The following IGFBP7 variants were observed in gnomAD, a reference collection of about 807,000 sequenced individuals.
IGFBP7 encodes the protein insulin-like growth factor-binding protein 7.
A neutral mutation model predicts 29.4 loss-of-function variants in IGFBP7; 31 were observed. That is an observed-to-expected ratio of 1.05 (90% confidence interval 0.79 to 1.42). The LOEUF is 1.42. IGFBP7 is among the 40% of genes most tolerant of loss of function. The pLI is 0.00. For missense variants in IGFBP7, 393 were observed against 395.5 expected, an observed-to-expected ratio of 0.99 and a Z score of 0.05; for synonymous variants, 172 against 174.9, an observed-to-expected ratio of 0.98 and a Z score of 0.13.
chr4:57,076,305 T>C (rs558202289), intron 1 of IGFBP7, among the ~76,000 whole-genome samples: 2 of 152,290 alleles, frequency 1.3e-5, no homozygotes, highest in African/African-American at 4.8e-5. Context: ...ATTCAGACCA[T>C]AGCTGATCTC....
rs1156386058 is a variant in IGFBP7, at chr4:57,030,979, G to A, written c.*338C>T. The A allele has an allele frequency of 1.3e-6, 2 of 1,577,126 alleles. No individual in the cohort carries two copies. Among genetic ancestry groups the A allele is most frequent in the Non-Finnish European group, 1.7e-6 (2 of 1,146,348 alleles). On this transcript the variant is annotated 3_prime_UTR_variant, in exon 5 of 5. Coordinates refer to ENST00000295666, the MANE Select transcript of IGFBP7 (RefSeq NM_001553.3). ...CTATGAGTATTGCACCGCGAATGAT[G>A]AGTGTTTAGCTATTTTACAGGAGTC...
At chr4:57,072,657 C>G (rs1333959400) in intron 1 of IGFBP7, 6 of 182,070 alleles carry the variant, frequency 3.3e-5, no homozygotes, top group Non-Finnish European at 5.3e-5. Flanking sequence ...CTAGCCACCA[C>G]CAGCAGGGGT....
intron 1 of IGFBP7, among the ~76,000 whole-genome samples, chr4:57,074,360 C>T (rs1258883705): frequency 6.6e-6 from 1 of 152,184 alleles, no homozygotes; most frequent in Non-Finnish European, 1.5e-5. Flanking sequence ...CTCGTCCGGC[C>T]TGAAAATTTA....
At chr4:57,065,183 C>T (rs1205437440) in intron 1 of IGFBP7, among the ~76,000 whole-genome samples, 1 of 152,228 alleles carries the variant, frequency 6.6e-6, no homozygotes, top group Non-Finnish European at 1.5e-5. Context: ...AGGAGGCGGT[C>T]AAGGTCCCAG....
At chr4:57,055,000 G>C (rs1713966) in intron 1 of IGFBP7, among the ~76,000 whole-genome samples, 150,869 of 152,318 alleles carry the variant, frequency 0.99, 74,733 homozygotes, top group East Asian at 1. Context: ...TCCTTCAGGC[G>C]AGGCTGACGG....
intron 1 of IGFBP7, among the ~76,000 whole-genome samples, chr4:57,069,133 G>A (rs1724995054): frequency 6.6e-6 from 1 of 152,298 alleles, no homozygotes; most frequent in Middle Eastern, 3.4e-3. Flanking sequence ...GTTTTTAGGA[G>A]GAAGGAGACC....
intron 1 of IGFBP7, among the ~76,000 whole-genome samples, chr4:57,065,187 G>T (rs528595723): frequency 4.0e-4 from 61 of 152,332 alleles, no homozygotes; most frequent in African/African-American, 1.5e-3. Flanking sequence ...GGCGGTCAAG[G>T]TCCCAGGTGC....
chr4:57,097,767 TGG>T (rs2109801161), intron 1 of IGFBP7, among the ~76,000 whole-genome samples: 1 of 152,016 alleles, frequency 6.6e-6, no homozygotes, highest in South Asian at 2.1e-4. Context: ...AGTGGCAGAG[TGG>T]GGATTTGACC....
At position 57,040,920 on chromosome 4, in the gene IGFBP7, CA is replaced by C; in HGVS notation, c.488del (p.Val163GlyfsTer17). 6.2e-7 allele frequency: 1 copy of C among 1,613,666 alleles called. No homozygotes were observed. The highest frequency in any genetic ancestry group is 1.3e-5 in the African/African-American group (1 of 75,058). On this transcript the variant is annotated frameshift_variant, in exon 2 of 5. Coordinates refer to ENST00000295666, the MANE Select transcript of IGFBP7 (RefSeq NM_001553.3). LOFTEE classifies it high-confidence loss of function. ...CATTCCAGATGTCCTTGGGGGGCGT[CA>C]CTATGGAAGGACCTGCAGGAGAGGG... ...KGTCEQGPSI[V>X]TPPKDIWNVT...
chr4:57,072,814 T>A, intron 1 of IGFBP7: 1 of 566,340 alleles, frequency 1.8e-6, no homozygotes. Context: ...GCACAGCATA[T>A]GAAGACCTGA....
chr4:57,054,639 C>CAAAAAAAAAAAAAAAA (rs75161514), intron 1 of IGFBP7, among the ~76,000 whole-genome samples: 8 of 27,886 alleles, frequency 2.9e-4, no homozygotes, highest in Admixed American at 6.0e-4. Flanking sequence ...CTCTCTCTCA[C>CAAAAAAAAAAAAAAAA]AAAAAAAAAA....
intron 1 of IGFBP7, among the ~76,000 whole-genome samples, chr4:57,103,472 T>C (rs1043381744): frequency 8.6e-5 from 13 of 152,028 alleles, no homozygotes; most frequent in African/African-American, 2.9e-4. Flanking sequence ...TCTTAAAAAA[T>C]TGTTTTAACT....
At chr4:57,095,754 T>C (rs1465181734) in intron 1 of IGFBP7, among the ~76,000 whole-genome samples, 3 of 152,144 alleles carry the variant, frequency 2.0e-5, no homozygotes, top group Non-Finnish European at 4.4e-5. Context: ...TTTGAGAAGA[T>C]GCCCATCGGA....
In IGFBP7 at chr4:57,051,161, AT is replaced by A. The variant is rs113634438; in HGVS notation, c.476-10229del. 3.5e-3 allele frequency among the ~76,000 whole-genome samples: 532 copies of A among 152,260 alleles called. 5 individuals are homozygous for A. Among genetic ancestry groups the A allele is most frequent in the African/African-American group, 0.012 (490 of 41,576 alleles). ...GGGAAAAGAATAGTAGGAAGGCACTATGGCCAAGATGGGGAAGGGGATGAAA... is the reference window on the plus strand; with the variant it reads ...GGGAAAAGAATAGTAGGAAGGCACTAGGCCAAGATGGGGAAGGGGATGAAA... On this transcript the variant is annotated intron_variant, in intron 1 of 4. Coordinates refer to ENST00000295666, the MANE Select transcript of IGFBP7 (RefSeq NM_001553.3).
intron 1 of IGFBP7, among the ~76,000 whole-genome samples, chr4:57,103,850 G>C (rs902874165): frequency 6.6e-6 from 1 of 150,820 alleles, no homozygotes; most frequent in Non-Finnish European, 1.5e-5. Flanking sequence ...TTATAGAGAC[G>C]AGGTCTCACT....
chr4:57,100,200 G>T (rs1373849374), intron 1 of IGFBP7, among the ~76,000 whole-genome samples: 1 of 150,574 alleles, frequency 6.6e-6, no homozygotes, highest in Non-Finnish European at 1.5e-5. Flanking sequence ...CTCCTGAGTA[G>T]CTGGGACTAC....
Position 57,079,229 on chromosome 4 carries a change from GGT to G in IGFBP7, c.475+30646_475+30647del, listed in dbSNP as rs764458187. Among the ~76,000 whole-genome samples the G allele has an allele frequency of 2.7e-5, 4 of 150,582 alleles. No individual in the cohort carries two copies. In the South Asian group the frequency reaches 6.3e-4, roughly 24 times the overall value. On this transcript the variant is annotated intron_variant, in intron 1 of 4. Coordinates refer to ENST00000295666, the MANE Select transcript of IGFBP7 (RefSeq NM_001553.3). ...TGTTGTCTTGTGATTTCCCTTTTTT[GGT>G]GTGTGTGTGTGTGTTTTAAAAAAAC...
At chr4:57,080,141 T>C (rs766944928) in intron 1 of IGFBP7, among the ~76,000 whole-genome samples, 4 of 152,084 alleles carry the variant, frequency 2.6e-5, no homozygotes, top group Non-Finnish European at 5.9e-5. Flanking sequence ...GCTTGGTGGG[T>C]ACCTGAATGA....
chr4:57,039,504 G>T (rs77155278), intron 2 of IGFBP7, among the ~76,000 whole-genome samples: 233 of 152,194 alleles, frequency 1.5e-3, no homozygotes, highest in African/African-American at 5.4e-3. Context: ...GGTAGAGGCT[G>T]GGGATACTGC....
Sources: gnomAD v4.1 joint callset for allele counts (sites outside exome capture counted in the v4.1 genomes callset) on GRCh38, gnomAD v4.1.1 for gene constraint, MANE v1.5 for transcripts, NCBI Gene and HGNC (gene_info 2026-07-23, HGNC 2026-07-21) for gene names.